Variants in BPIFA3 observed in about 807,000 individuals in gnomAD.
BPIFA3 encodes BPI fold containing family A member 3, also known as BPI fold-containing family A member 3.
A neutral mutation model predicts 29.7 loss-of-function variants in BPIFA3; 32 were observed. The observed-to-expected ratio is 1.08, with a 90% CI of 0.81 to 1.45. The LOEUF is 1.45. Among genes scored for constraint, BPIFA3 ranks in the 40% most tolerant of loss-of-function variants. BPIFA3 has a pLI of 0.00. For missense variants in BPIFA3, 323 were observed against 311.3 expected (o/e 1.04, Z -0.28); for synonymous variants, 112 against 113.7 (o/e 0.98, Z 0.10).
Position 33,225,206 on chromosome 20 carries a change from C to G in BPIFA3, c.495C>G (p.Cys165Trp). 6.2e-7 allele frequency: 1 copy of G among 1,614,072 alleles called. No individual in the cohort carries two copies. The highest frequency in any genetic ancestry group is 1.7e-5 in the Admixed American group (1 of 60,010). The change falls in exon 4 of 7, where the codon TGC (cysteine) becomes TGG (tryptophan). Residue 165 changes from cysteine (C) to tryptophan (W), a missense_variant. Cys to Trp is a radical substitution (Grantham distance 215, BLOSUM62 -2). Transcript: ENST00000375454. ...FGRRDLVIGK[C>W]DAEPSSVHVA... is the part of the protein sequence containing the mutation. ...GGAGGGATCTGGTGATAGGCAAATG[C>G]GATGCAGAGCCCAGCAGTGTCCATG...
At position 33,226,397 on chromosome 20, in the gene BPIFA3, T is replaced by C. The variant is rs1430446726; in HGVS notation, c.537-9T>C. 1.2e-6 allele frequency: 2 copies of C among 1,604,190 alleles called. No individual in the cohort carries two copies. Among genetic ancestry groups the C allele is most frequent in the South Asian group, 2.2e-5 (2 of 90,682 alleles). On this transcript the variant is annotated splice_polypyrimidine_tract_variant and intron_variant, in intron 4 of 6. Coordinates refer to ENST00000375454, the MANE Select transcript of BPIFA3 (RefSeq NM_178466.5). ...CTGTTCTGTTCTGTGCCTCTACCTT[T>C]CTTTCTAGGGCTATCCCACCAAAGA...
At chr20:33,218,281 G>A (rs1380480205) in intron 1 of BPIFA3, among the ~76,000 whole-genome samples, 1 of 152,212 alleles carries the variant, frequency 6.6e-6, no homozygotes, top group Non-Finnish European at 1.5e-5. Context: ...AACCCAGAAG[G>A]AGAGTGGTTG....
chr20:33,218,585 C>T (rs1047789088), intron 1 of BPIFA3, among the ~76,000 whole-genome samples: 5 of 152,146 alleles, frequency 3.3e-5, no homozygotes, highest in African/African-American at 9.7e-5. Flanking sequence ...GGCTTGCAGA[C>T]GGACACCTTC....
chr20:33,224,271 C>T (rs1343033007), intron 2 of BPIFA3, 84 bp from the exon 3 acceptor site: 8 of 1,128,080 alleles, frequency 7.1e-6, no homozygotes, highest in Non-Finnish European at 1.0e-5. Context: ...TCTTTATAGT[C>T]GGACAGCCTT....
Position 33,222,801 on chromosome 20 carries a change from G to A in BPIFA3, c.128-1010G>A, listed in dbSNP as rs150021455. Among the ~76,000 whole-genome samples, 4 of 152,280 alleles carry A rather than the reference G, an allele frequency of 2.6e-5. No individual in the cohort carries two copies. In the East Asian group the frequency reaches 7.7e-4, roughly 29 times the overall value. On this transcript the variant is annotated intron_variant, in intron 1 of 6. Transcript: ENST00000375454. ...AATCATGAACCAAGAACTACTAAGA[G>A]TTCTGGGCATACCTATAGGTTCACT...
chr20:33,223,898 T>C lies in BPIFA3; in HGVS notation c.215T>C (p.Val72Ala). ...FGDRLNASAQ[V>A]APGLVGWLIS... ...GACAGACTGAATGCCTCAGCACAAG[T>C]GGCCCCAGGGCTGGTGGGCTGGCTA... The change falls in exon 2 of 7, where the codon GTG (valine) becomes GCG (alanine). Residue 72 changes from valine (V) to alanine (A), a missense_variant. Physicochemically the swap from Val to Ala is moderately conservative, Grantham distance 64. Transcript: ENST00000375454. 1 of 1,614,166 alleles carries C rather than the reference T, an allele frequency of 6.2e-7. No individual in the cohort carries two copies. The highest frequency in any genetic ancestry group is 8.5e-7 in the Non-Finnish European group (1 of 1,180,028).
intron 1 of BPIFA3, among the ~76,000 whole-genome samples, chr20:33,219,877 C>T (rs1985428484): frequency 1.3e-5 from 2 of 151,908 alleles, no homozygotes; most frequent in African/African-American, 4.8e-5. Flanking sequence ...TGGGAAATCG[C>T]TTGAGCCTAG....
In BPIFA3 at chr20:33,225,101, C is replaced by T; in HGVS notation, c.390C>T (p.Ser130=). The T allele has an allele frequency of 6.2e-7, 1 of 1,614,032 alleles. No individual in the cohort carries two copies. Among genetic ancestry groups the T allele is most frequent in the Non-Finnish European group, 8.5e-7 (1 of 1,179,960 alleles). ...CCTCTTCCTCTCTCATCTGCAGGTCCTTCGATAACAACATCGTAAAGATGT... is the reference window on the plus strand; with the variant it reads ...CCTCTTCCTCTCTCATCTGCAGGTCTTTCGATAACAACATCGTAAAGATGT... ...SLEFDLELRP[S]FDNNIVKMCA... Residue 130 remains serine, a synonymous_variant, in exon 4 of 7, where the codon TCC becomes TCT. Transcript: ENST00000375454.
At position 33,224,384 on chromosome 20, in the gene BPIFA3, G is replaced by A. The variant is rs1314255920; in HGVS notation, c.308G>A (p.Cys103Tyr). The A allele has an allele frequency of 5.6e-6, 9 of 1,614,092 alleles. No individual in the cohort carries two copies. In the South Asian group the frequency reaches 9.9e-5, roughly 18 times the overall value. Residue 103 changes from cysteine (C) to tyrosine (Y), a missense_variant, in exon 3 of 7, where the codon TGT (cysteine) becomes TAT (tyrosine). Coordinates refer to ENST00000375454, the MANE Select transcript of BPIFA3 (RefSeq NM_178466.5). ...SINITNIQLD[C>Y]GGIQISFHKE... is the part of the protein sequence containing the mutation. ...AACATCACCAACATTCAGCTGGACT[G>A]TGGTGGGATCCAGATATCATTCCAT... is the stretch of plus-strand genomic sequence containing the variant.
chr20:33,220,600 T>C (rs1303419606), intron 1 of BPIFA3, among the ~76,000 whole-genome samples: 3 of 152,352 alleles, frequency 2.0e-5, no homozygotes, highest in African/African-American at 4.8e-5. Context: ...AGAGAATTTA[T>C]AGTTTTCATT....
At chr20:33,220,522 T>C (rs1444428867) in intron 1 of BPIFA3, among the ~76,000 whole-genome samples, 4 of 152,216 alleles carry the variant, frequency 2.6e-5, no homozygotes, top group African/African-American at 9.6e-5. Context: ...CAGATTTTAC[T>C]ATATATCCCA....
chr20:33,224,726 A>G (rs1043293957), intron 3 of BPIFA3, among the ~76,000 whole-genome samples: 4 of 152,230 alleles, frequency 2.6e-5, no homozygotes, highest in African/African-American at 9.6e-5. Flanking sequence ...TTAAAGAGAG[A>G]AAGGGAGAAC....
Position 33,224,492 on chromosome 20 carries a change from G to T in BPIFA3, c.386+30G>T, listed in dbSNP as rs2180674. The stretch of plus-strand genomic sequence containing the variant: ...GTCATACAGAAGCAGAATCTGAGAG[G>T]TGCTGGCCCTCCTCGCAGGGAACCT... On this transcript the variant is annotated intron_variant, in intron 3 of 6. Coordinates refer to ENST00000375454, the MANE Select transcript of BPIFA3 (RefSeq NM_178466.5). 33,977 of 1,536,632 alleles carry T rather than the reference G, an allele frequency of 0.022. 5,224 individuals carry two copies. The African/African-American group carries it at 0.37, about 17-fold the overall frequency.
In BPIFA3 at chr20:33,217,474, AC is replaced by A. The variant is rs1368262886; in HGVS notation, c.-60del. ...CATTAGACCATCCCTCCAGACTGCC[AC>A]CCTCAAAGCCGTCTGCCCAGGCCCC... On this transcript the variant is annotated 5_prime_UTR_variant, in exon 1 of 7. It removes the in-frame stop codon of an upstream open reading frame in the 5' UTR. Coordinates refer to ENST00000375454, the MANE Select transcript of BPIFA3 (RefSeq NM_178466.5). 3 of 1,579,046 alleles carry A rather than the reference AC, an allele frequency of 1.9e-6. No homozygotes were observed. Among genetic ancestry groups the A allele is most frequent in the Non-Finnish European group, 2.6e-6 (3 of 1,165,562 alleles).
At chr20:33,223,982 C>A in intron 2 of BPIFA3, 21 bp downstream of exon 2, 2 of 1,611,990 alleles carry the variant, frequency 1.2e-6, no homozygotes, top group Non-Finnish European at 1.7e-6. Flanking sequence ...GAGTTCTATC[C>A]GTGGCCCTGG....
chr20:33,225,493 T>C, intron 4 of BPIFA3: 1 of 517,818 alleles, frequency 1.9e-6, no homozygotes. Flanking sequence ...CTAGTAGCCC[T>C]CAGCTTCTCT....
chr20:33,226,367 T>A (rs761549784), intron 4 of BPIFA3, 39 bp from the exon 5 acceptor site: 28 of 1,444,562 alleles, frequency 1.9e-5, no homozygotes, highest in Non-Finnish European at 2.5e-5. Flanking sequence ...ATTGCCTGGA[T>A]TGCTCTGTTC....
Position 33,227,667 on chromosome 20 carries a change from T to C in BPIFA3, c.*50T>C, listed in dbSNP as rs372464463. 3.3e-6 allele frequency: 5 copies of C among 1,502,666 alleles called. No homozygotes were observed. The African/African-American group carries it at 6.9e-5, about 21-fold the overall frequency. The allele number at this position is 1,502,666 out of a possible 1,614,324, so 93.1% of individuals were successfully genotyped here. On this transcript the variant is annotated 3_prime_UTR_variant, in exon 7 of 7. Coordinates refer to ENST00000375454, the MANE Select transcript of BPIFA3 (RefSeq NM_178466.5). ...CACATCTTGCAACCTTAAGTCTCCC[T>C]TAGAGTGGGGCTTCTGCTACCCTAA...
intron 1 of BPIFA3, among the ~76,000 whole-genome samples, chr20:33,222,190 G>T (rs1985543528): frequency 6.6e-6 from 1 of 152,230 alleles, no homozygotes; most frequent in South Asian, 2.1e-4. Flanking sequence ...TGAGTTCAAA[G>T]TTTGCCTCCA....
Sources: gnomAD v4.1 joint callset for allele counts (sites outside exome capture counted in the v4.1 genomes callset) on GRCh38, gnomAD v4.1.1 for gene constraint, MANE v1.5 for transcripts, NCBI Gene and HGNC (gene_info 2026-07-23, HGNC 2026-07-21) for gene names.